ADORA2B: variants seen among roughly 807,000 people sequenced by gnomAD.
ADORA2B encodes adenosine A2b receptor.
A neutral mutation model predicts 20.8 loss-of-function variants in ADORA2B; 18 were observed. That is an observed-to-expected ratio of 0.87 (90% CI 0.60 to 1.29). ADORA2B has a LOEUF of 1.29. Ranked by LOEUF, ADORA2B falls within the 50% of genes most tolerant of loss-of-function variation. The probability of loss-of-function intolerance (pLI) is 0.00; values close to 1 mark genes in which losing one functional copy is unlikely to be tolerated. For synonymous variants in ADORA2B, 179 were observed against 178.3 expected (o/e 1.00, Z -0.03); for missense variants, 441 against 422.7 (o/e 1.04, Z -0.38).
the ADORA2B span, among the ~76,000 whole-genome samples, chr17:15,913,444 T>C: frequency 6.6e-6 from 1 of 152,234 alleles, no homozygotes; most frequent in Non-Finnish European, 1.5e-5. Flanking sequence ...AACAGTTGTT[T>C]CCAGCTTTTC....
the ADORA2B span, among the ~76,000 whole-genome samples, chr17:15,901,548 T>C: frequency 6.6e-6 from 1 of 152,210 alleles, no homozygotes; most frequent in African/African-American, 2.4e-5. Flanking sequence ...ACTTACTATT[T>C]ACCCATTCTA....
chr17:15,939,088 C>T, the ADORA2B span, among the ~76,000 whole-genome samples: 17 of 152,106 alleles, frequency 1.1e-4, no homozygotes, highest in South Asian at 2.9e-3. Context: ...TTGCCCAGGC[C>T]GGAGTGCAGC....
chr17:15,964,847 G>C (rs1222610214), intron 1 of ADORA2B, among the ~76,000 whole-genome samples: 2 of 151,930 alleles, frequency 1.3e-5, no homozygotes, highest in Non-Finnish European at 2.9e-5. Flanking sequence ...GAATCACGAG[G>C]TCAGGAGATC....
At chr17:15,877,701 C>G in the ADORA2B span, among the ~76,000 whole-genome samples, 1 of 152,128 alleles carries the variant, frequency 6.6e-6, no homozygotes, top group African/African-American at 2.4e-5. Context: ...ATTTTATACT[C>G]TGGTGTGCAG....
intron 1 of ADORA2B, among the ~76,000 whole-genome samples, chr17:15,952,763 C>T (rs1432657616): frequency 6.6e-6 from 1 of 152,172 alleles, no homozygotes; most frequent in African/African-American, 2.4e-5. Flanking sequence ...GGATCTCCTC[C>T]CACCTGCACC....
intron 1 of ADORA2B, among the ~76,000 whole-genome samples, chr17:15,962,028 T>A (rs886804939): frequency 3.9e-5 from 6 of 152,110 alleles, no homozygotes; most frequent in Non-Finnish European, 8.8e-5. Context: ...TCAGGCCGGG[T>A]GCAGTGGCTC....
At chr17:15,863,605 C>T in the ADORA2B span, among the ~76,000 whole-genome samples, 1 of 152,262 alleles carries the variant, frequency 6.6e-6, no homozygotes, top group Non-Finnish European at 1.5e-5. Context: ...CCTCCTGCCT[C>T]AGCTTTCCAA....
the ADORA2B span, among the ~76,000 whole-genome samples, chr17:15,913,680 C>G: frequency 6.6e-6 from 1 of 152,194 alleles, no homozygotes; most frequent in African/African-American, 2.4e-5. Context: ...TAAAACCTTA[C>G]CAACATTTTT....
the ADORA2B span, among the ~76,000 whole-genome samples, chr17:15,938,334 A>G: frequency 6.6e-6 from 1 of 152,162 alleles, no homozygotes; most frequent in South Asian, 2.1e-4. Flanking sequence ...ATGGAGTCCC[A>G]CTCTGTCGCC....
chr17:15,898,995 T>C, the ADORA2B span, among the ~76,000 whole-genome samples: 14 of 152,032 alleles, frequency 9.2e-5, no homozygotes, highest in African/African-American at 3.4e-4. Context: ...TTTGGGAGGC[T>C]GAGGTGGGCA....
the ADORA2B span, among the ~76,000 whole-genome samples, chr17:15,898,897 T>A: frequency 1.3e-5 from 2 of 152,122 alleles, no homozygotes; most frequent in Non-Finnish European, 2.9e-5. Context: ...ATTTCCTACA[T>A]TCTTAAACAT....
the ADORA2B span, among the ~76,000 whole-genome samples, chr17:15,857,608 A>C: frequency 6.6e-6 from 1 of 152,144 alleles, no homozygotes; most frequent in Admixed American, 6.5e-5. Flanking sequence ...GTGTGACCTG[A>C]TGTGAGACAT....
the ADORA2B span, among the ~76,000 whole-genome samples, chr17:15,874,446 A>T: frequency 6.6e-6 from 1 of 151,904 alleles, no homozygotes; most frequent in African/African-American, 2.4e-5. Flanking sequence ...TCAGCACATT[A>T]GGAGGCCAAG....
At chr17:15,875,110 C>T in the ADORA2B span, among the ~76,000 whole-genome samples, 1 of 152,080 alleles carries the variant, frequency 6.6e-6, no homozygotes, top group Non-Finnish European at 1.5e-5. Flanking sequence ...CTTTTTTCCT[C>T]AAAATTTGTA....
the ADORA2B span, among the ~76,000 whole-genome samples, chr17:15,898,071 T>C: frequency 6.6e-6 from 1 of 152,170 alleles, no homozygotes; most frequent in Non-Finnish European, 1.5e-5. Flanking sequence ...TATCCTATTG[T>C]GTATTTACAA....
At chr17:15,888,815 CATATAT>C in the ADORA2B span, among the ~76,000 whole-genome samples, 365 of 15,728 alleles carry the variant, frequency 0.023, 23 homozygotes, top group Middle Eastern at 0.11. Context: ...TATGTGATGC[CATATAT>C]ATATATATAT....
chr17:15,910,010 T>C, the ADORA2B span, among the ~76,000 whole-genome samples: 1 of 152,176 alleles, frequency 6.6e-6, no homozygotes, highest in Non-Finnish European at 1.5e-5. Context: ...CTGTGTGCAC[T>C]ACACAGCAAG....
chr17:15,940,323 T>C (rs1018889664), upstream of ADORA2B, among the ~76,000 whole-genome samples: 1 of 152,208 alleles, frequency 6.6e-6, no homozygotes, highest in African/African-American at 2.4e-5. Context: ...GAGCAGAGAC[T>C]GAGGAGCCTC....
chr17:15,899,160 G>T, the ADORA2B span, among the ~76,000 whole-genome samples: 1 of 151,984 alleles, frequency 6.6e-6, no homozygotes, highest in African/African-American at 2.4e-5. Flanking sequence ...AACCTGGGAG[G>T]CGGAGGTTGC....
Sources: gnomAD v4.1 joint callset for allele counts (sites outside exome capture counted in the v4.1 genomes callset) on GRCh38, gnomAD v4.1.1 for gene constraint, MANE v1.5 for transcripts, NCBI Gene and HGNC (gene_info 2026-07-23, HGNC 2026-07-21) for gene names.